PPP1R9A: variants seen among roughly 807,000 people sequenced by gnomAD.
The protein encoded by PPP1R9A is protein phosphatase 1 regulatory subunit 9A, also known as neurabin-1.
A neutral mutation model predicts 141.9 loss-of-function variants in PPP1R9A; 59 were observed. The ratio of observed to expected loss-of-function variants is 0.42; its 90% CI spans 0.34 to 0.52. The LOEUF is 0.52. Ranked by LOEUF, PPP1R9A falls within the 20% of genes least tolerant of loss-of-function variation. The pLI, the probability that PPP1R9A is intolerant of heterozygous loss-of-function variation, is 0.10. For synonymous variants in PPP1R9A, 500 were observed against 569.7 expected (o/e 0.88, Z 1.74); for missense variants, 1,444 against 1,611.9 (o/e 0.90, Z 1.78).
intron 5 of PPP1R9A, among the ~76,000 whole-genome samples, chr7:95,171,045 A>G (rs949353292): frequency 6.6e-6 from 1 of 151,544 alleles, no homozygotes; most frequent in African/African-American, 2.4e-5. Context: ...ATGCTATAAG[A>G]CATAAATAAA....
chr7:94,981,862 C>T (rs183096493), intron 2 of PPP1R9A, among the ~76,000 whole-genome samples: 1 of 151,542 alleles, frequency 6.6e-6, no homozygotes, highest in Non-Finnish European at 1.5e-5. Flanking sequence ...TCTAGGGTAC[C>T]TGTGCACAAT....
intron 2 of PPP1R9A, among the ~76,000 whole-genome samples, chr7:95,078,278 A>G (rs1379521709): frequency 5.3e-5 from 8 of 151,344 alleles, no homozygotes; most frequent in East Asian, 1.9e-4. Flanking sequence ...ATGATTTCCA[A>G]TTTCATCCAT....
At chr7:95,144,428 T>C (rs1466371816) in intron 4 of PPP1R9A, among the ~76,000 whole-genome samples, 1 of 152,184 alleles carries the variant, frequency 6.6e-6, no homozygotes, top group Non-Finnish European at 1.5e-5. Flanking sequence ...TTCCATATTT[T>C]GGCTATTGTG....
intron 2 of PPP1R9A, among the ~76,000 whole-genome samples, chr7:94,961,230 A>G (rs1797610710): frequency 6.6e-6 from 1 of 151,678 alleles, no homozygotes; most frequent in African/African-American, 2.4e-5. Context: ...CATTTGCCTT[A>G]AAAGGGAAAC....
Position 95,069,841 on chromosome 7 carries a change from T to C in PPP1R9A, c.1396-41418T>C, listed in dbSNP as rs552174937. On this transcript the variant is annotated intron_variant, in intron 2 of 19. Coordinates refer to ENST00000433360, the MANE Select transcript of PPP1R9A (RefSeq NM_001166160.2). ...TAAAGTGAACCATTACATCTTACTGTATGTGTATGTCCTTTAGCTTCATGT... is the reference window on the plus strand; with the variant it reads ...TAAAGTGAACCATTACATCTTACTGCATGTGTATGTCCTTTAGCTTCATGT... Among the ~76,000 whole-genome samples the C allele has an allele frequency of 7.2e-5, 11 of 152,256 alleles. No homozygotes were observed. In the South Asian group the frequency reaches 2.1e-3, roughly 29 times the overall value.
intron 5 of PPP1R9A, among the ~76,000 whole-genome samples, chr7:95,179,376 A>G (rs1833375998): frequency 6.6e-6 from 1 of 152,160 alleles, no homozygotes; most frequent in African/African-American, 2.4e-5. Context: ...ACATACCTCA[A>G]TGTAGTAAAA....
chr7:95,082,142 T>A (rs1815946511), intron 2 of PPP1R9A, among the ~76,000 whole-genome samples: 1 of 152,098 alleles, frequency 6.6e-6, no homozygotes, highest in African/African-American at 2.4e-5. Flanking sequence ...GAAAGAGGGG[T>A]GTTTGTCATA....
intron 2 of PPP1R9A, among the ~76,000 whole-genome samples, chr7:95,033,747 C>T (rs1808045177): frequency 6.6e-6 from 1 of 151,948 alleles, no homozygotes; most frequent in South Asian, 2.1e-4. Context: ...CTAGTGGTCT[C>T]AATATTGTCA....
chr7:94,976,436 G>A (rs1799455988), intron 2 of PPP1R9A, among the ~76,000 whole-genome samples: 1 of 151,356 alleles, frequency 6.6e-6, no homozygotes, highest in South Asian at 2.1e-4. Flanking sequence ...TGACTCCTGG[G>A]TTCAGGCGAT....
At chr7:95,272,641 C>T (rs951564722) in intron 14 of PPP1R9A, among the ~76,000 whole-genome samples, 1 of 152,120 alleles carries the variant, frequency 6.6e-6, no homozygotes, top group African/African-American at 2.4e-5. Context: ...TGTCAGTGTC[C>T]TGTGCTGCTT....
intron 2 of PPP1R9A, among the ~76,000 whole-genome samples, chr7:95,052,237 A>C (rs757947144): frequency 6.6e-6 from 1 of 152,202 alleles, no homozygotes; most frequent in Non-Finnish European, 1.5e-5. Context: ...CTGGCTTGAA[A>C]TTTAGGAAGA....
At chr7:94,938,424 T>C (rs1794994022) in intron 2 of PPP1R9A, among the ~76,000 whole-genome samples, 1 of 152,174 alleles carries the variant, frequency 6.6e-6, no homozygotes. Context: ...TTTTTTGCCA[T>C]TCAGACATAC....
intron 2 of PPP1R9A, among the ~76,000 whole-genome samples, chr7:94,959,242 A>T (rs1285619245): frequency 6.6e-6 from 1 of 151,902 alleles, no homozygotes; most frequent in African/African-American, 2.4e-5. Flanking sequence ...TCACTTCTAA[A>T]ACCTGTCATT....
At chr7:95,278,060 G>C (rs1215989290) in intron 16 of PPP1R9A, among the ~76,000 whole-genome samples, 1 of 152,202 alleles carries the variant, frequency 6.6e-6, no homozygotes, top group Non-Finnish European at 1.5e-5. Context: ...TTGCATTCAA[G>C]TAGAAAGTGT....
chr7:95,002,718 A>G (rs1365202229), intron 2 of PPP1R9A, among the ~76,000 whole-genome samples: 1 of 152,192 alleles, frequency 6.6e-6, no homozygotes, highest in African/African-American at 2.4e-5. Context: ...GGAAGAAATC[A>G]TGATTTGTCT....
intron 2 of PPP1R9A, among the ~76,000 whole-genome samples, chr7:95,028,623 T>C (rs1288850984): frequency 6.6e-6 from 1 of 152,206 alleles, no homozygotes; most frequent in Non-Finnish European, 1.5e-5. Flanking sequence ...CTGAATAGAA[T>C]GTGGAGCATA....
intron 2 of PPP1R9A, among the ~76,000 whole-genome samples, chr7:95,022,838 C>T (rs1342948387): frequency 6.6e-6 from 1 of 152,030 alleles, no homozygotes; most frequent in Non-Finnish European, 1.5e-5. Context: ...CCAACTTGAT[C>T]GTGGTGGATA....
At chr7:95,075,220 G>A (rs1260508371) in intron 2 of PPP1R9A, among the ~76,000 whole-genome samples, 1 of 152,038 alleles carries the variant, frequency 6.6e-6, no homozygotes, top group East Asian at 1.9e-4. Flanking sequence ...TTGCTTCTGA[G>A]TATTATGTCA....
Position 95,275,362 on chromosome 7 carries a change from C to T in PPP1R9A, c.3296+1194C>T, listed in dbSNP as rs1424331822. Among the ~76,000 whole-genome samples, 4 of 148,338 alleles carry T rather than the reference C, an allele frequency of 2.7e-5. No individual in the cohort carries two copies. The Admixed American group carries it at 2.7e-4, about 10-fold the overall frequency. ...GGCGGAGGTTTGAGTGAGCCAAGAT[C>T]GCACCACTGCACTCCTGGGCGATAG... On this transcript the variant is annotated intron_variant, in intron 16 of 19. Transcript: ENST00000433360.
Sources: gnomAD v4.1 joint callset for allele counts (sites outside exome capture counted in the v4.1 genomes callset) on GRCh38, gnomAD v4.1.1 for gene constraint, MANE v1.5 for transcripts, NCBI Gene and HGNC (gene_info 2026-07-23, HGNC 2026-07-21) for gene names.